The following DLG2 variants were observed in gnomAD, a reference collection of about 807,000 sequenced individuals.
DLG2 encodes the protein discs large MAGUK scaffold protein 2.
In DLG2, 45 loss-of-function variants were observed where a neutral mutation model predicts 132.5. That is an observed-to-expected ratio of 0.34 (90% CI 0.27 to 0.44). The LOEUF (loss-of-function observed/expected upper bound fraction) is 0.44, where lower values mean the gene tolerates loss of function less well. Ranked by LOEUF, DLG2 falls within the 20% of genes least tolerant of loss-of-function variation. The probability of loss-of-function intolerance (pLI) is 1.00; values close to 1 mark genes in which losing one functional copy is unlikely to be tolerated. For synonymous variants in DLG2, 424 were observed against 419.6 expected (o/e 1.01, Z -0.13); for missense variants, 1,045 against 1,196.9 (o/e 0.87, Z 1.87).
At chr11:84,483,557 C>G (rs1186790645) in intron 7 of DLG2, among the ~76,000 whole-genome samples, 1 of 151,726 alleles carries the variant, frequency 6.6e-6, no homozygotes, top group African/African-American at 2.4e-5. Context: ...CAATTAATAG[C>G]ATAAAAAACC....
chr11:85,401,782 A>C (rs561310975), intron 3 of DLG2, among the ~76,000 whole-genome samples: 8 of 152,158 alleles, frequency 5.3e-5, no homozygotes, highest in African/African-American at 1.7e-4. Flanking sequence ...CAACTTACAA[A>C]GGATGTGAAG....
intron 19 of DLG2, among the ~76,000 whole-genome samples, chr11:83,565,720 G>A (rs2096696140): frequency 6.6e-6 from 1 of 152,212 alleles, no homozygotes; most frequent in Admixed American, 6.5e-5. Flanking sequence ...CACAAACACT[G>A]TAACAAATGA....
chr11:83,815,712 T>C (rs1330699524), intron 17 of DLG2, among the ~76,000 whole-genome samples: 2 of 152,186 alleles, frequency 1.3e-5, no homozygotes, highest in Non-Finnish European at 2.9e-5. Context: ...GTTCAGTGCC[T>C]TTCACTTTAC....
At chr11:83,521,100 T>G (rs1347965412) in intron 21 of DLG2, among the ~76,000 whole-genome samples, 2 of 152,308 alleles carry the variant, frequency 1.3e-5, no homozygotes, top group East Asian at 3.9e-4. Flanking sequence ...AAAGACGTCT[T>G]GTAAACCTTC....
intron 6 of DLG2, among the ~76,000 whole-genome samples, chr11:85,008,179 A>G (rs2058861539): frequency 6.6e-6 from 1 of 151,300 alleles, no homozygotes; most frequent in Non-Finnish European, 1.5e-5. Flanking sequence ...AAAACTTTTC[A>G]TTTTATGAAA....
intron 4 of DLG2, among the ~76,000 whole-genome samples, chr11:85,258,036 G>A (rs1374317343): frequency 6.6e-6 from 1 of 152,108 alleles, no homozygotes; most frequent in African/African-American, 2.4e-5. Context: ...TGATACTGTG[G>A]TTGTCTTACA....
chr11:85,477,770 C>G (rs2093185570), intron 3 of DLG2, among the ~76,000 whole-genome samples: 1 of 152,174 alleles, frequency 6.6e-6, no homozygotes, highest in South Asian at 2.1e-4. Context: ...ATATTTCAAA[C>G]TATCTCATGA....
At chr11:84,350,033 C>T (rs1014247218) in intron 7 of DLG2, among the ~76,000 whole-genome samples, 1 of 151,890 alleles carries the variant, frequency 6.6e-6, no homozygotes, top group South Asian at 2.1e-4. Context: ...AAAAAATTAG[C>T]GGGGCGTGGT....
Position 85,385,589 on chromosome 11 carries a change from G to T in DLG2, c.41-100224C>A, listed in dbSNP as rs909823659. Among the ~76,000 whole-genome samples, 14 of 152,142 alleles carry T rather than the reference G, an allele frequency of 9.2e-5. 1 individual carries two copies. The highest frequency in any genetic ancestry group is 2.9e-4 in the African/African-American group (12 of 41,436). ...GATGTCTCATGCAAGATCCAGCCAA[G>T]ATTTAAGAAATAAATAAGTATTTTA... is the stretch of plus-strand genomic sequence containing the variant. On this transcript the variant is annotated intron_variant, in intron 3 of 27. Transcript: ENST00000376104.
chr11:85,240,667 T>C (rs1466077935), intron 4 of DLG2, among the ~76,000 whole-genome samples: 2 of 151,846 alleles, frequency 1.3e-5, no homozygotes, highest in Non-Finnish European at 2.9e-5. Context: ...TCTTCCCTTC[T>C]CCATTCGTCT....
intron 21 of DLG2, among the ~76,000 whole-genome samples, chr11:83,504,163 T>C (rs1271314171): frequency 1.3e-5 from 2 of 152,218 alleles, no homozygotes; most frequent in Admixed American, 1.3e-4. Context: ...ACAATTACAC[T>C]CCTAGTTTCT....
chr11:84,740,113 A>G (rs973626347), intron 6 of DLG2, among the ~76,000 whole-genome samples: 5 of 151,962 alleles, frequency 3.3e-5, no homozygotes, highest in Non-Finnish European at 5.9e-5. Context: ...GAAGGTTGCA[A>G]GAAAGGACCA....
At chr11:83,932,348 C>G (rs560367318) in intron 14 of DLG2, among the ~76,000 whole-genome samples, 1 of 151,996 alleles carries the variant, frequency 6.6e-6, no homozygotes, top group Non-Finnish European at 1.5e-5. Flanking sequence ...CATTCTCCTG[C>G]CCCAGCCTCC....
chr11:84,295,725 A>G (rs1177803972), intron 7 of DLG2, among the ~76,000 whole-genome samples: 1 of 151,964 alleles, frequency 6.6e-6, no homozygotes, highest in Admixed American at 6.6e-5. Flanking sequence ...CAACACACTC[A>G]CTCATTTTCT....
chr11:85,519,686 A>T (rs2153174141), intron 3 of DLG2, among the ~76,000 whole-genome samples: 1 of 152,226 alleles, frequency 6.6e-6, no homozygotes, highest in South Asian at 2.1e-4. Flanking sequence ...AGGACATAAG[A>T]TTTGGGAGGG....
At chr11:85,168,206 A>C (rs1250180765) in intron 4 of DLG2, among the ~76,000 whole-genome samples, 1 of 152,178 alleles carries the variant, frequency 6.6e-6, no homozygotes, top group Non-Finnish European at 1.5e-5. Context: ...TAGTGTAAGA[A>C]AGGAAACAAA....
intron 9 of DLG2, among the ~76,000 whole-genome samples, chr11:84,145,252 C>T (rs1173491456): frequency 6.6e-6 from 1 of 152,130 alleles, no homozygotes; most frequent in Non-Finnish European, 1.5e-5. Flanking sequence ...TGCTTAATGA[C>T]AGGGATATGT....
Position 85,588,716 on chromosome 11 carries a change from C to T in DLG2, c.40+9941G>A, listed in dbSNP as rs144700786. On this transcript the variant is annotated intron_variant, in intron 3 of 27. Transcript: ENST00000376104. ...TTTTTTTATTGGTTTGAATCAATTGCTATGAAGCTAGTGTGGTCTCTTAGG... is the reference window on the plus strand; with the variant it reads ...TTTTTTTATTGGTTTGAATCAATTGTTATGAAGCTAGTGTGGTCTCTTAGG... Among the ~76,000 whole-genome samples, 132 of 152,154 alleles carry T rather than the reference C, an allele frequency of 8.7e-4. 2 individuals carry two copies. In the East Asian group the frequency reaches 0.013, roughly 14 times the overall value.
intron 8 of DLG2, among the ~76,000 whole-genome samples, chr11:84,193,324 A>G (rs2154292648): frequency 6.6e-6 from 1 of 152,200 alleles, no homozygotes; most frequent in East Asian, 1.9e-4. Flanking sequence ...GTTAGACTGG[A>G]CCTGAGATTC....
Sources: allele counts gnomAD v4.1 joint callset (sites outside exome capture counted in the v4.1 genomes callset), GRCh38; gene constraint gnomAD v4.1.1; transcripts MANE v1.5; gene names NCBI Gene and HGNC (gene_info 2026-07-23, HGNC 2026-07-21).